The following COL23A1 variants were observed in gnomAD, a reference collection of about 807,000 sequenced individuals.
COL23A1 encodes the protein collagen alpha-1(XXIII) chain.
Under a neutral mutation model 99.3 loss-of-function variants are expected in COL23A1, and 97 were observed. The observed-to-expected ratio is 0.98, with a 90% CI of 0.83 to 1.16. COL23A1 has a LOEUF of 1.16. Among genes scored for constraint, COL23A1 ranks in the 50% most tolerant of loss-of-function variants. The probability of loss-of-function intolerance (pLI) is 0.00; values close to 1 mark genes in which losing one functional copy is unlikely to be tolerated. For missense variants in COL23A1, 762 were observed against 757.4 expected (o/e 1.01, Z -0.07); for synonymous variants, 320 against 308.2 (o/e 1.04, Z -0.40).
chr5:178,557,993 C>G (rs1762370883), intron 2 of COL23A1, among the ~76,000 whole-genome samples: 1 of 151,810 alleles, frequency 6.6e-6, no homozygotes, highest in Admixed American at 6.5e-5. Flanking sequence ...CCAGGATGGC[C>G]TCCATCACAG....
intron 1 of COL23A1, among the ~76,000 whole-genome samples, chr5:178,579,299 G>T (rs1763543366): frequency 6.6e-6 from 1 of 152,156 alleles, no homozygotes; most frequent in South Asian, 2.1e-4. Flanking sequence ...ACATCCCCTT[G>T]TTTAATTCTC....
intron 2 of COL23A1, among the ~76,000 whole-genome samples, chr5:178,335,030 G>A (rs1019924288): frequency 4.6e-5 from 7 of 152,208 alleles, no homozygotes; most frequent in South Asian, 2.1e-4. Context: ...GACCACAGGC[G>A]TCCCTAAGAG....
chr5:178,256,903 C>G lies in COL23A1; in HGVS notation c.800G>C (p.Arg267Pro), dbSNP rs530588654. 9 of 1,613,640 alleles carry G rather than the reference C, an allele frequency of 5.6e-6. No individual in the cohort carries two copies. Among genetic ancestry groups the G allele is most frequent in the Non-Finnish European group, 7.6e-6 (9 of 1,179,880 alleles). Residue 267 changes from arginine to proline, a missense_variant, in exon 14 of 29, where the codon CGG (arginine) becomes CCG (proline). Physicochemically the swap from Arg to Pro is moderately radical, Grantham distance 103. Coordinates refer to ENST00000390654, the MANE Select transcript of COL23A1 (RefSeq NM_173465.4). ...PKGEPGSMGP[R>P]GENGVDGAPG... ...GGCACCGTCCACACCGTTCTCTCCC[C>G]GAGGCCCCATGCTCCCTGGCTCGCC...
chr5:178,582,856 C>A (rs1411743946), intron 1 of COL23A1, among the ~76,000 whole-genome samples: 3 of 152,200 alleles, frequency 2.0e-5, no homozygotes, highest in Non-Finnish European at 4.4e-5. Flanking sequence ...TGAAAGTGGG[C>A]AGAGAAACAG....
At chr5:178,524,188 A>G (rs1161408331) in intron 2 of COL23A1, among the ~76,000 whole-genome samples, 4 of 152,178 alleles carry the variant, frequency 2.6e-5, no homozygotes, top group African/African-American at 9.7e-5. Context: ...AGGCACTCCA[A>G]TAACATCACC....
chr5:178,576,287 G>A (rs1486117588), intron 1 of COL23A1, among the ~76,000 whole-genome samples: 1 of 152,026 alleles, frequency 6.6e-6, no homozygotes, highest in Admixed American at 6.5e-5. Flanking sequence ...GCCCCAGGCT[G>A]GAGTCCAGTG....
chr5:178,312,133 G>A (rs935517109), intron 2 of COL23A1, among the ~76,000 whole-genome samples: 2 of 152,178 alleles, frequency 1.3e-5, no homozygotes, highest in East Asian at 3.9e-4. Context: ...AGACGCCGAC[G>A]GAGCCCTTGA....
At chr5:178,373,414 TA>T (rs1762907000) in intron 2 of COL23A1, among the ~76,000 whole-genome samples, 1 of 152,078 alleles carries the variant, frequency 6.6e-6, no homozygotes. Flanking sequence ...CTTTATTTTT[TA>T]TTTTTATTTT....
At chr5:178,454,910 GCCTGCTC>G (rs1485196417) in intron 2 of COL23A1, among the ~76,000 whole-genome samples, 1 of 152,242 alleles carries the variant, frequency 6.6e-6, no homozygotes, top group Non-Finnish European at 1.5e-5. Flanking sequence ...TGTCGGCTGG[GCCTGCTC>G]CCTCTGAGCC....
intron 2 of COL23A1, among the ~76,000 whole-genome samples, chr5:178,488,909 G>C (rs929389114): frequency 6.6e-6 from 1 of 152,196 alleles, no homozygotes; most frequent in South Asian, 2.1e-4. Flanking sequence ...AGGAGCAGTC[G>C]CTGAGCAGCG....
At chr5:178,254,927 C>T (rs769149911) in intron 16 of COL23A1, 22 bp downstream of exon 16, 2 of 1,601,302 alleles carry the variant, frequency 1.2e-6, no homozygotes, top group South Asian at 2.2e-5. Flanking sequence ...AAGGCACATC[C>T]TGGTCCCACC....
intron 2 of COL23A1, among the ~76,000 whole-genome samples, chr5:178,448,474 G>A (rs1767294482): frequency 1.3e-5 from 2 of 152,116 alleles, no homozygotes; most frequent in Admixed American, 6.5e-5. Flanking sequence ...CAGAATACCC[G>A]AGACTGGGTC....
chr5:178,563,526 C>T (rs1442442894), intron 1 of COL23A1, among the ~76,000 whole-genome samples: 1 of 83,212 alleles, frequency 1.2e-5, no homozygotes, highest in Non-Finnish European at 2.1e-5. Context: ...TCAGAACTCA[C>T]TTTTTTTTTT....
chr5:178,587,113 T>A (rs903190375), intron 1 of COL23A1, among the ~76,000 whole-genome samples: 2 of 152,232 alleles, frequency 1.3e-5, no homozygotes, highest in Non-Finnish European at 2.9e-5. Flanking sequence ...TAAGCTTTTA[T>A]AACATTGTAA....
chr5:178,465,682 C>T (rs543698813), intron 2 of COL23A1, among the ~76,000 whole-genome samples: 4 of 152,308 alleles, frequency 2.6e-5, no homozygotes, highest in African/African-American at 9.6e-5. Context: ...GTGTCGGGAA[C>T]GCAGCAGTGA....
At chr5:178,458,166 C>CTGAAAT in intron 2 of COL23A1, among the ~76,000 whole-genome samples, 1 of 151,414 alleles carries the variant, frequency 6.6e-6, no homozygotes, top group African/African-American at 2.4e-5. Flanking sequence ...CTGCGATTGA[C>CTGAAAT]CTCACTTCTG....
intron 2 of COL23A1, among the ~76,000 whole-genome samples, chr5:178,450,516 G>A (rs202056560): frequency 6.6e-6 from 1 of 152,172 alleles, no homozygotes; most frequent in East Asian, 1.9e-4. Flanking sequence ...CAGAACAGTA[G>A]TAAGCTGGGT....
rs146773187 is a variant in COL23A1 at position 178,528,750 on chromosome 5, C to T, written c.361+31932G>A. Among the ~76,000 whole-genome samples the T allele has an allele frequency of 8.2e-3, 1,247 of 152,302 alleles. 12 individuals carry two copies. Among genetic ancestry groups the T allele is most frequent in the Admixed American group, 0.021 (321 of 15,300 alleles). The stretch of plus-strand genomic sequence containing the variant: ...GCCTGAACCCAGGAGGCGGAGGTTC[C>T]GACGCGCTGAGATCGCGCCATTGCA... On this transcript the variant is annotated intron_variant, in intron 2 of 28. Coordinates refer to ENST00000390654, the MANE Select transcript of COL23A1 (RefSeq NM_173465.4).
intron 2 of COL23A1, among the ~76,000 whole-genome samples, chr5:178,467,882 C>T (rs960100553): frequency 1.3e-5 from 2 of 152,122 alleles, no homozygotes; most frequent in Non-Finnish European, 2.9e-5. Context: ...GGCTGGAGTC[C>T]GAGGCCTGCC....
Sources: allele counts gnomAD v4.1 joint callset (sites outside exome capture counted in the v4.1 genomes callset), GRCh38; gene constraint gnomAD v4.1.1; transcripts MANE v1.5; gene names NCBI Gene and HGNC (gene_info 2026-07-23, HGNC 2026-07-21).